POLR1B: variants seen among roughly 807,000 people sequenced by gnomAD.
The protein encoded by POLR1B is RNA polymerase I subunit B.
Under a neutral mutation model 105.8 loss-of-function variants are expected in POLR1B, and 30 were observed. The ratio of observed to expected loss-of-function variants is 0.28; its 90% confidence interval spans 0.21 to 0.38. The LOEUF (loss-of-function observed/expected upper bound fraction) is 0.38. Among genes scored for constraint, POLR1B ranks in the 10% least tolerant of loss-of-function variants. The pLI is 1.00. For missense variants in POLR1B, 976 were observed against 1,435.8 expected, an observed-to-expected ratio of 0.68 and a Z score of 5.17; for synonymous variants, 485 against 505.1, an observed-to-expected ratio of 0.96 and a Z score of 0.53.
At chr2:112,550,125 T>C (rs998566928) in intron 4 of POLR1B, among the ~76,000 whole-genome samples, 1 of 152,186 alleles carries the variant, frequency 6.6e-6, no homozygotes, top group South Asian at 2.1e-4. Context: ...TGCTGCACTT[T>C]TGCAAACTGA....
intron 1 of POLR1B, among the ~76,000 whole-genome samples, chr2:112,544,853 T>G (rs907690892): frequency 6.6e-6 from 1 of 152,214 alleles, no homozygotes; most frequent in Non-Finnish European, 1.5e-5. Flanking sequence ...TGTGTCTGTC[T>G]TTTCAAAATA....
At chr2:112,542,330 C>T (rs1452021337), upstream of POLR1B, 3 of 1,538,112 alleles carry the variant, frequency 2.0e-6, no homozygotes, top group Admixed American at 5.9e-5. Context: ...TCTACGTTGA[C>T]CCCGAGAAAC....
intron 7 of POLR1B, among the ~76,000 whole-genome samples, chr2:112,555,793 GCTTTTAAAC>G (rs1415577768): frequency 6.6e-6 from 1 of 152,148 alleles, no homozygotes; most frequent in East Asian, 1.9e-4. Context: ...CTACGTTAAA[GCTTTTAAAC>G]CTTTGAGTTT....
rs763822215 is a variant in POLR1B at position 112,542,595 on chromosome 2, C to T, written c.101C>T (p.Ala34Val). The change falls in exon 1 of 15, where the codon GCG (alanine) becomes GTG (valine). Residue 34 changes from alanine to valine, a missense_variant. Coordinates refer to ENST00000263331, the MANE Select transcript of POLR1B (RefSeq NM_019014.6). ...ATCCCGCGGGAACAGCAAAAGGCAGCGTTGCAGGAGCTGACGCGGGCGCAC... is the reference window on the plus strand; with the variant it reads ...ATCCCGCGGGAACAGCAAAAGGCAGTGTTGCAGGAGCTGACGCGGGCGCAC... ...YGIPREQQKA[A>V]LQELTRAHVE... 6.2e-7 allele frequency: 1 copy of T among 1,614,216 alleles called. No individual in the cohort carries two copies. Among genetic ancestry groups the T allele is most frequent in the Non-Finnish European group, 8.5e-7 (1 of 1,180,056 alleles).
upstream of POLR1B, chr2:112,542,161 A>G (rs1179690362): frequency 1.3e-6 from 2 of 1,535,580 alleles, no homozygotes. Flanking sequence ...AATGAGAGCC[A>G]AAGAGGTCAC....
At position 112,575,143 on chromosome 2, in the gene POLR1B, A is replaced by T; in HGVS notation, c.2822A>T (p.His941Leu). ...ESMAGKSAAL[H>L]GLCHDATPFI... ...ATGGCCGGGAAGTCTGCAGCTTTGC[A>T]TGGTCTCTGCCATGATGCTACACCC... The change falls in exon 15 of 15, where the codon CAT becomes CTT. Residue 941 changes from histidine (H) to leucine (L), a missense_variant. Around this residue, in one of 12 missense-constraint regions of POLR1B, gnomAD observed 35 missense variants for 102.5 expected, o/e 0.34. Coordinates refer to ENST00000263331, the MANE Select transcript of POLR1B (RefSeq NM_019014.6). The surrounding 1 kb of genome is among the most constrained non-coding windows in gnomAD (Gnocchi z 5.3). 6.2e-7 allele frequency: 1 copy of T among 1,614,140 alleles called. No homozygotes were observed. The highest frequency in any genetic ancestry group is 8.5e-7 in the Non-Finnish European group (1 of 1,180,032).
intron 8 of POLR1B, 29 bp downstream of exon 8, chr2:112,558,110 GT>G: frequency 7.6e-7 from 1 of 1,310,278 alleles, no homozygotes. Context: ...TTTTAGTTAT[GT>G]TTTTCAAATT....
Position 112,551,998 on chromosome 2 carries a change from A to G in POLR1B, c.986A>G (p.Asn329Ser). 1 of 1,612,794 alleles carries G rather than the reference A, an allele frequency of 6.2e-7. No homozygotes were observed. The highest frequency in any genetic ancestry group is 1.1e-5 in the South Asian group (1 of 91,040). ...PNEQAAEFLF[N>S]QCICIHLKSN... ...GAGCAAGCTGCGGAGTTCCTGTTTA[A>G]GTATGTGTGCTTTGTCTAAACTGTT... The change falls in exon 6 of 15, where the codon AAC becomes AGC. Residue 329 changes from asparagine (N) to serine (S), a missense_variant and splice_region_variant. Around this residue, in one of 12 missense-constraint regions of POLR1B, gnomAD observed 452 missense variants for 616.5 expected, o/e 0.73. Coordinates refer to ENST00000263331, the MANE Select transcript of POLR1B (RefSeq NM_019014.6).
Position 112,550,954 on chromosome 2 carries a change from T to C in POLR1B, c.714T>C (p.Phe238=). 6.2e-7 allele frequency: 1 copy of C among 1,613,736 alleles called. No homozygotes were observed. The highest frequency in any genetic ancestry group is 8.5e-7 in the Non-Finnish European group (1 of 1,179,608). ...YLENGTVMLN[F]IYRKELFFLP... is the part of the protein sequence containing the mutation. The stretch of plus-strand genomic sequence containing the variant: ...AAAATGGCACTGTTATGTTGAACTT[T>C]ATTTACCGAAAAGAACTGTTCTTTC... Residue 238 remains phenylalanine (F), a synonymous_variant, in exon 5 of 15, where the codon TTT becomes TTC. Transcript: ENST00000263331.
chr2:112,544,291 G>A (rs945737807), intron 1 of POLR1B, among the ~76,000 whole-genome samples: 3 of 152,026 alleles, frequency 2.0e-5, no homozygotes, highest in Middle Eastern at 3.4e-3. Context: ...AATTAGCCGG[G>A]CATGGTGGCA....
Position 112,575,588 on chromosome 2 carries a change from T to G in POLR1B, c.3267T>G (p.Ser1089=). ...PLLEKPPPSW[S]AMRNRKYNCT... Reference sequence around the variant, plus strand: ...TGGAGAAGCCACCCCCTTCTTGGTCTGCCATGCGCAACAGAAAATACAACT... The same window carrying G: ...TGGAGAAGCCACCCCCTTCTTGGTCGGCCATGCGCAACAGAAAATACAACT... Residue 1089 remains serine, a synonymous_variant, in exon 15 of 15, where the codon TCT becomes TCG. Transcript: ENST00000263331. The surrounding 1 kb of genome is among the most constrained non-coding windows in gnomAD (Gnocchi z 5.3). 6.2e-7 allele frequency: 1 copy of G among 1,614,194 alleles called. No homozygotes were observed. The highest frequency in any genetic ancestry group is 8.5e-7 in the Non-Finnish European group (1 of 1,180,034).
At chr2:112,546,914 A>T in intron 1 of POLR1B, 98 bp from the exon 2 acceptor site, 1 of 1,309,276 alleles carries the variant, frequency 7.6e-7, no homozygotes. Context: ...GTGGCATCAC[A>T]GGCATCAATG....
At chr2:112,551,607 G>A (rs1426513008) in intron 5 of POLR1B, among the ~76,000 whole-genome samples, 168 bp from the exon 6 acceptor site, 1 of 152,154 alleles carries the variant, frequency 6.6e-6, no homozygotes, top group Non-Finnish European at 1.5e-5. Context: ...TGTGCTGTCT[G>A]GCTATCATAC....
chr2:112,542,139 A>T, upstream of POLR1B: 2 of 1,535,688 alleles, frequency 1.3e-6, no homozygotes, highest in Non-Finnish European at 1.7e-6. Context: ...TCCGATCCTA[A>T]TTGACTGAGC....
intron 10 of POLR1B, among the ~76,000 whole-genome samples, chr2:112,566,159 T>G (rs1012994119): frequency 6.6e-5 from 10 of 152,236 alleles, no homozygotes; most frequent in African/African-American, 2.4e-5. Context: ...GTTTATGTTT[T>G]GCTTCCTCAT....
chr2:112,554,522 A>C (rs1483920622), intron 7 of POLR1B: 5 of 152,162 alleles, frequency 3.3e-5, no homozygotes, highest in Non-Finnish European at 7.4e-5. Flanking sequence ...CCATAAAATT[A>C]GATTGAAAAA....
rs116553923 is a variant in POLR1B, at chr2:112,568,150, G to A, written c.1917+13G>A. ...AACTATGGAACAGGTAAATACATAT[G>A]TGTGATGGATGAGTGTATGTGCTTG... On this transcript the variant is annotated intron_variant, in intron 11 of 14. Transcript: ENST00000263331. The A allele has an allele frequency of 6.2e-7, 1 of 1,607,564 alleles. No homozygotes were observed. Among genetic ancestry groups the A allele is most frequent in the Non-Finnish European group, 8.5e-7 (1 of 1,174,554 alleles).
chr2:112,574,150 G>T (rs550734959), intron 14 of POLR1B, among the ~76,000 whole-genome samples: 1 of 152,156 alleles, frequency 6.6e-6, no homozygotes, highest in African/African-American at 2.4e-5. Context: ...TGGCCTATTT[G>T]TGCTTTTTTT....
chr2:112,548,801 A>G (rs1181090663), intron 3 of POLR1B, among the ~76,000 whole-genome samples: 2 of 151,998 alleles, frequency 1.3e-5, no homozygotes, highest in African/African-American at 4.8e-5. Context: ...TTTAGTAGAG[A>G]CGGGGTTTCA....
Sources: gnomAD v4.1 joint callset for allele counts (sites outside exome capture counted in the v4.1 genomes callset) on GRCh38, gnomAD v4.1.1 for gene constraint, gnomAD v4.1.1 regional missense constraint, Gnocchi (gnomAD v3.1) non-coding constraint, MANE v1.5 for transcripts, NCBI Gene and HGNC (gene_info 2026-07-23, HGNC 2026-07-21) for gene names.